The following DOCK10 variants were observed in gnomAD, a reference collection of about 807,000 sequenced individuals.
DOCK10 encodes dedicator of cytokinesis 10, also known as dedicator of cytokinesis protein 10.
DOCK10 carries 145 observed loss-of-function variants against 280.1 expected under a neutral mutation model. That is an observed-to-expected ratio of 0.52 (90% CI 0.45 to 0.59). DOCK10 has a LOEUF of 0.59. Among genes scored for constraint, DOCK10 ranks in the 20% least tolerant of loss-of-function variants. The pLI, the probability that DOCK10 is intolerant of heterozygous loss-of-function variation, is 0.00. For missense variants in DOCK10, 2,368 were observed against 2,651.7 expected, an observed-to-expected ratio of 0.89 and a Z score of 2.35; for synonymous variants, 915 against 942.2, an observed-to-expected ratio of 0.97 and a Z score of 0.53.
chr2:224,814,474 A>C, intron 30 of DOCK10, 110 bp from the exon 31 acceptor site: 1 of 516,284 alleles, frequency 1.9e-6, no homozygotes, highest in Non-Finnish European at 3.1e-6. Context: ...TTATTTAAAA[A>C]TGTGAGTCTT....
chr2:224,832,118 G>T (rs1447757413), intron 26 of DOCK10, among the ~76,000 whole-genome samples: 1 of 152,190 alleles, frequency 6.6e-6, no homozygotes, highest in Non-Finnish European at 1.5e-5. Flanking sequence ...CATCCTCTCT[G>T]CTTCCTACTC....
intron 47 of DOCK10, among the ~76,000 whole-genome samples, chr2:224,792,438 C>T (rs993009037): frequency 6.6e-6 from 1 of 152,088 alleles, no homozygotes; most frequent in Admixed American, 6.6e-5. Context: ...TGCCTGCCAC[C>T]ATGCCCAGCT....
chr2:225,024,820 G>A (rs1007488134), intron 1 of DOCK10, among the ~76,000 whole-genome samples: 1 of 152,100 alleles, frequency 6.6e-6, no homozygotes, highest in African/African-American at 2.4e-5. Context: ...TAACCAGGGA[G>A]GTGGAGGTTG....
rs1323315361 is a variant in DOCK10, at chr2:224,886,439, A to T, written c.489+20T>A. Reference sequence around the variant, plus strand: ...ATTATCCTCATGTTTTAAACATCTCACTTTCAACTATTTACTTACTTCATC... The same window carrying T: ...ATTATCCTCATGTTTTAAACATCTCTCTTTCAACTATTTACTTACTTCATC... On this transcript the variant is annotated intron_variant, in intron 5 of 55. Coordinates refer to ENST00000258390, the MANE Select transcript of DOCK10 (RefSeq NM_014689.3). The T allele has an allele frequency of 1.3e-6, 2 of 1,595,848 alleles. No individual in the cohort carries two copies. The highest frequency in any genetic ancestry group is 1.7e-6 in the Non-Finnish European group (2 of 1,166,380).
At chr2:224,873,594 C>CAAAAAAAAAAAAAAAAAAAAA (rs35401247) in intron 11 of DOCK10, among the ~76,000 whole-genome samples, 1 of 33,656 alleles carries the variant, frequency 3.0e-5, no homozygotes, top group Non-Finnish European at 5.6e-5. Flanking sequence ...AAGACCATCT[C>CAAAAAAAAAAAAAAAAAAAAA]AAAAAAAAAA....
chr2:224,931,545 T>G lies in DOCK10; in HGVS notation c.243+4A>C. ...TCTAAATGGCTTGAGAAGAGAAGAC[T>G]TACTGAAAAGTCATCACTGGGGAAG... On this transcript the variant is annotated splice_donor_region_variant and intron_variant, in intron 2 of 55. Transcript: ENST00000258390. 1 of 1,604,450 alleles carries G rather than the reference T, an allele frequency of 6.2e-7. No individual in the cohort carries two copies. The highest frequency in any genetic ancestry group is 1.1e-5 in the South Asian group (1 of 89,148).
chr2:224,766,456 C>G (rs1421929018), intron 55 of DOCK10, among the ~76,000 whole-genome samples: 1 of 152,194 alleles, frequency 6.6e-6, no homozygotes, highest in African/African-American at 2.4e-5. Flanking sequence ...TCTACTCTTC[C>G]AAGATAGAAT....
chr2:224,859,499 C>A (rs1697363089), intron 14 of DOCK10, among the ~76,000 whole-genome samples: 1 of 152,144 alleles, frequency 6.6e-6, no homozygotes, highest in African/African-American at 2.4e-5. Flanking sequence ...CAAGGATAAC[C>A]TTTTCACTGT....
intron 5 of DOCK10, 115 bp downstream of exon 5, chr2:224,886,344 C>G: frequency 2.1e-6 from 3 of 1,439,410 alleles, no homozygotes; most frequent in Non-Finnish European, 2.9e-6. Flanking sequence ...AAAAGCCCTA[C>G]CACCAACAGC....
At chr2:224,987,499 TACCTAGC>T (rs1266945486) in intron 1 of DOCK10, among the ~76,000 whole-genome samples, 1 of 152,130 alleles carries the variant, frequency 6.6e-6, no homozygotes, top group Non-Finnish European at 1.5e-5. Flanking sequence ...ACTTCCAGAA[TACCTAGC>T]ATAGGTGTCA....
In DOCK10 at chr2:225,042,437, A is replaced by T. The variant is rs1690466072; in HGVS notation, c.-63T>A. ...GCCTCCCGCCGGTCTTCCCCGCGCC[A>T]ACCTTCTCTATCCACCCGCCGTTCA... On this transcript the variant is annotated 5_prime_UTR_variant, in exon 1 of 56. Coordinates refer to ENST00000258390, the MANE Select transcript of DOCK10 (RefSeq NM_014689.3). This position sits in a 1 kb window ranked among gnomAD's most constrained non-coding sequence, Gnocchi z 5.1. 3 of 1,225,362 alleles carry T rather than the reference A, an allele frequency of 2.4e-6. No homozygotes were observed. The highest frequency in any genetic ancestry group is 3.1e-6 in the Non-Finnish European group (3 of 981,786). 75.9% of individuals were successfully genotyped at this position (1,225,362 alleles called of 1,614,324 possible).
chr2:224,921,305 A>G (rs62187982), intron 2 of DOCK10, among the ~76,000 whole-genome samples: 34,637 of 149,658 alleles, frequency 0.23, 4,480 homozygotes, highest in Non-Finnish European at 0.28. Flanking sequence ...GCAAAACTCC[A>G]TTTCAATAAA....
rs1180573717 is a variant in DOCK10, at chr2:224,770,936, CT to C, written c.6205-292del. Among the ~76,000 whole-genome samples, 1 of 148,766 alleles carries C rather than the reference CT, an allele frequency of 6.7e-6. No homozygotes were observed. Among genetic ancestry groups the C allele is most frequent in the Non-Finnish European group, 1.5e-5 (1 of 66,998 alleles). ...ACGTTGCTTGAACTACTATTTTTTTCTTTCTTTTTTTCTTTGTTAGAGACAG... is the reference window on the plus strand; with the variant it reads ...ACGTTGCTTGAACTACTATTTTTTTCTTCTTTTTTTCTTTGTTAGAGACAG... On this transcript the variant is annotated intron_variant, in intron 53 of 55. Transcript: ENST00000258390. This position sits in a 1 kb window ranked among gnomAD's most constrained non-coding sequence, Gnocchi z 4.5.
intron 1 of DOCK10, among the ~76,000 whole-genome samples, chr2:224,955,210 A>G (rs1400992588): frequency 6.6e-6 from 1 of 152,226 alleles, no homozygotes; most frequent in Non-Finnish European, 1.5e-5. Flanking sequence ...AATTACCCTG[A>G]AAAGCACATT....
chr2:224,966,284 G>T (rs936580537), intron 1 of DOCK10, among the ~76,000 whole-genome samples: 2 of 150,472 alleles, frequency 1.3e-5, no homozygotes, highest in African/African-American at 2.5e-5. Context: ...CAATTGGATG[G>T]TGCCCCACCC....
intron 1 of DOCK10, among the ~76,000 whole-genome samples, chr2:224,988,456 T>C (rs1259282744): frequency 1.3e-5 from 2 of 152,240 alleles, no homozygotes; most frequent in Non-Finnish European, 2.9e-5. Flanking sequence ...TGAATATTTA[T>C]GCATCGGGAT....
intron 27 of DOCK10, among the ~76,000 whole-genome samples, chr2:224,825,783 C>T (rs191774955): frequency 2.8e-4 from 42 of 152,268 alleles, no homozygotes; most frequent in African/African-American, 9.9e-4. Context: ...AGAATTCCTG[C>T]ACTGGAGATT....
chr2:224,856,294 G>GTT lies in DOCK10; in HGVS notation c.1808+564_1808+565dup, dbSNP rs11438194. On this transcript the variant is annotated intron_variant, in intron 15 of 55. Coordinates refer to ENST00000258390, the MANE Select transcript of DOCK10 (RefSeq NM_014689.3). ...CACTGATAACATGGGTTTTGTAAGAGTTTTTTTTTTATGTTTATAACAGAT... is the reference window on the plus strand; with the variant it reads ...CACTGATAACATGGGTTTTGTAAGAGTTTTTTTTTTTTATGTTTATAACAGAT... Among the ~76,000 whole-genome samples the GTT allele has an allele frequency of 7.5e-3, 1,129 of 149,632 alleles. 13 individuals are homozygous for GTT. Among genetic ancestry groups the GTT allele is most frequent in the African/African-American group, 0.027 (1,085 of 40,784 alleles).
chr2:224,900,807 C>G (rs913477803), intron 3 of DOCK10, among the ~76,000 whole-genome samples: 7 of 152,230 alleles, frequency 4.6e-5, no homozygotes, highest in Non-Finnish European at 8.8e-5. Flanking sequence ...AAGTTTGTTT[C>G]AATCTATAAT....
Sources: gnomAD v4.1 joint callset for allele counts (sites outside exome capture counted in the v4.1 genomes callset) on GRCh38, gnomAD v4.1.1 for gene constraint, Gnocchi (gnomAD v3.1) non-coding constraint, MANE v1.5 for transcripts, NCBI Gene and HGNC (gene_info 2026-07-23, HGNC 2026-07-21) for gene names.